Variants in STOX1 observed in about 807,000 individuals in gnomAD.
The protein encoded by STOX1 is storkhead box 1, also known as storkhead-box protein 1.
In STOX1, 57 loss-of-function variants were observed where a neutral mutation model predicts 74.8. The ratio of observed to expected loss-of-function variants is 0.76; its 90% CI spans 0.62 to 0.95. The LOEUF is 0.95. Among genes scored for constraint, STOX1 ranks in the 40% least tolerant of loss-of-function variants. STOX1 has a pLI of 0.00. For missense variants in STOX1, 1,010 were observed against 1,117.0 expected, an observed-to-expected ratio of 0.90 and a Z score of 1.37; for synonymous variants, 375 against 401.3, an observed-to-expected ratio of 0.93 and a Z score of 0.78.
At chr10:68,874,011 GCC>G in intron 1 of STOX1, among the ~76,000 whole-genome samples, 2 of 24,016 alleles carry the variant, frequency 8.3e-5, no homozygotes, top group African/African-American at 2.3e-4. Flanking sequence ...TAGCTAGGTA[GCC>G]TTTTTTTTTT....
intron 3 of STOX1, among the ~76,000 whole-genome samples, chr10:68,890,282 G>T (rs770799216): frequency 6.6e-6 from 1 of 151,794 alleles, no homozygotes; most frequent in Non-Finnish European, 1.5e-5. Context: ...TCAGCCTCCT[G>T]TGTAGCTGGG....
chr10:68,865,160 TAGG>T (rs1840370971), intron 1 of STOX1, among the ~76,000 whole-genome samples: 3 of 152,130 alleles, frequency 2.0e-5, no homozygotes, highest in Non-Finnish European at 4.4e-5. Flanking sequence ...CTTTTACGAG[TAGG>T]TTCAATTGCT....
Position 68,886,254 on chromosome 10 carries a change from G to A in STOX1, c.2458G>A (p.Glu820Lys). ...AAGCCAAGAACCTAACCTCTCTGCT[G>A]AAAGTTGTGGCCTAAATTCAGGGGC... ...GESQEPNLSA[E>K]SCGLNSGAQF... Residue 820 changes from glutamate (E) to lysine (K), a missense_variant, in exon 3 of 4, where the codon GAA (glutamate) becomes AAA (lysine). Transcript: ENST00000298596. 1 of 1,614,232 alleles carries A rather than the reference G, an allele frequency of 6.2e-7. No homozygotes were observed. Among genetic ancestry groups the A allele is most frequent in the Non-Finnish European group, 8.5e-7 (1 of 1,180,044 alleles).
At chr10:68,872,342 CTT>C (rs72451894) in intron 1 of STOX1, among the ~76,000 whole-genome samples, 91 of 89,298 alleles carry the variant, frequency 1.0e-3, no homozygotes, top group East Asian at 3.5e-3. Flanking sequence ...TTTTTCTTTT[CTT>C]TTTTTTTTTT....
intron 1 of STOX1, among the ~76,000 whole-genome samples, chr10:68,868,372 C>T (rs1478190254): frequency 3.3e-5 from 5 of 152,246 alleles, no homozygotes; most frequent in African/African-American, 9.6e-5. Context: ...TAGTTATCTG[C>T]AGCAGGAACA....
intron 1 of STOX1, among the ~76,000 whole-genome samples, chr10:68,861,491 T>A (rs754232742): frequency 6.6e-6 from 1 of 152,156 alleles, no homozygotes; most frequent in Non-Finnish European, 1.5e-5. Flanking sequence ...ATAGCCATCA[T>A]GAGCATGTCA....
At chr10:68,891,706 G>A (rs1261752965) in intron 3 of STOX1, among the ~76,000 whole-genome samples, 1 of 151,844 alleles carries the variant, frequency 6.6e-6, no homozygotes, top group Non-Finnish European at 1.5e-5. Context: ...GGAGGCTGAG[G>A]CAGGAGAATC....
At chr10:68,841,932 C>T (rs1839700828) in intron 1 of STOX1, among the ~76,000 whole-genome samples, 1 of 152,126 alleles carries the variant, frequency 6.6e-6, no homozygotes, top group African/African-American at 2.4e-5. Context: ...TTACAGAGAG[C>T]CATGTCTCAG....
At chr10:68,887,174 C>A (rs1179967517) in intron 3 of STOX1, among the ~76,000 whole-genome samples, 1 of 152,150 alleles carries the variant, frequency 6.6e-6, no homozygotes, top group Non-Finnish European at 1.5e-5. Flanking sequence ...TCAATTATTT[C>A]TAAAAATAGA....
At chr10:68,873,554 C>G (rs559013717) in intron 1 of STOX1, among the ~76,000 whole-genome samples, 2 of 113,206 alleles carry the variant, frequency 1.8e-5, no homozygotes, top group Admixed American at 9.7e-5. Flanking sequence ...AGCCACCGCG[C>G]CTGGCCTTTT....
At chr10:68,856,833 C>T (rs1231542206) in intron 1 of STOX1, among the ~76,000 whole-genome samples, 1 of 152,074 alleles carries the variant, frequency 6.6e-6, no homozygotes, top group Non-Finnish European at 1.5e-5. Context: ...CCTTCCCCTC[C>T]CACCTGGGGA....
chr10:68,869,369 C>A (rs1840484971), intron 1 of STOX1, among the ~76,000 whole-genome samples: 1 of 152,178 alleles, frequency 6.6e-6, no homozygotes, highest in South Asian at 2.1e-4. Flanking sequence ...TATCAATTTA[C>A]TCTGAGTGTC....
intron 1 of STOX1, among the ~76,000 whole-genome samples, chr10:68,864,938 A>G (rs997242782): frequency 1.3e-5 from 2 of 152,200 alleles, no homozygotes; most frequent in South Asian, 2.1e-4. Context: ...ATCCTTATGC[A>G]TGGTTACTTT....
intron 1 of STOX1, among the ~76,000 whole-genome samples, chr10:68,835,223 AT>A (rs1045342659): frequency 7.3e-6 from 1 of 137,636 alleles, no homozygotes; most frequent in Non-Finnish European, 1.6e-5. Flanking sequence ...TGTATTTTTA[AT>A]AGAGACGGGG....
chr10:68,875,352 A>G (rs140973356), intron 1 of STOX1, among the ~76,000 whole-genome samples: 11 of 152,338 alleles, frequency 7.2e-5, no homozygotes, highest in South Asian at 2.1e-4. Context: ...AGGAGTCCAC[A>G]GGGCCCCTGG....
intron 1 of STOX1, among the ~76,000 whole-genome samples, chr10:68,843,921 C>T (rs1839760989): frequency 6.6e-6 from 1 of 151,996 alleles, no homozygotes; most frequent in Non-Finnish European, 1.5e-5. Context: ...TGGCTCACGC[C>T]TGTAATCCCA....
intron 1 of STOX1, among the ~76,000 whole-genome samples, chr10:68,862,609 C>A (rs1417530815): frequency 1.3e-5 from 2 of 152,088 alleles, no homozygotes; most frequent in South Asian, 2.1e-4. Context: ...CAGGCCATAT[C>A]ATTTGAGGTT....
intron 3 of STOX1, among the ~76,000 whole-genome samples, chr10:68,890,728 GCAACC>G (rs1841079409): frequency 1.4e-5 from 2 of 144,808 alleles, no homozygotes; most frequent in Non-Finnish European, 3.0e-5. Context: ...TCAGCTCACT[GCAACC>G]TCTGCCTCCC....
chr10:68,885,509 C>G lies in STOX1; in HGVS notation c.1713C>G (p.Val571=). The change falls in exon 3 of 4, where the codon GTC becomes GTG. Residue 571 remains valine (V), a synonymous_variant. Coordinates refer to ENST00000298596, the MANE Select transcript of STOX1 (RefSeq NM_152709.5). The stretch of plus-strand genomic sequence containing the variant: ...CCATTTACATAAATGACCCTACTGT[C>G]AAACCCATCAATGATGACTTCAGAG... ...AESIYINDPT[V]KPINDDFRGH... is the part of the protein sequence containing the mutation. 3 of 1,614,222 alleles carry G rather than the reference C, an allele frequency of 1.9e-6. No homozygotes were observed. The highest frequency in any genetic ancestry group is 2.2e-5 in the South Asian group (2 of 91,078).
Sources: allele counts gnomAD v4.1 joint callset (sites outside exome capture counted in the v4.1 genomes callset), GRCh38; gene constraint gnomAD v4.1.1; transcripts MANE v1.5; gene names NCBI Gene and HGNC (gene_info 2026-07-23, HGNC 2026-07-21).